TRIM33: variants seen among roughly 807,000 people sequenced by gnomAD.
TRIM33 encodes tripartite motif containing 33.
Under a neutral mutation model 125.4 loss-of-function variants are expected in TRIM33, and 20 were observed. The ratio of observed to expected loss-of-function variants is 0.16; its 90% CI spans 0.11 to 0.23. TRIM33 has a LOEUF of 0.23. TRIM33 is among the 10% of genes least tolerant of loss of function. TRIM33 has a pLI of 1.00. For missense variants in TRIM33, 920 were observed against 1,411.4 expected (o/e 0.65, Z 5.58); for synonymous variants, 564 against 513.9 (o/e 1.10, Z -1.32).
At position 114,421,410 on chromosome 1, in the gene TRIM33, A is replaced by C. The variant is rs1161917385; in HGVS notation, c.2061+26T>G. ...TCTGTAATTAACATTAAGTTTAATG[A>C]AGCCTCATTCAACTCAAATACAAAC... is the stretch of plus-strand genomic sequence containing the variant. On this transcript the variant is annotated intron_variant, in intron 11 of 19. Coordinates refer to ENST00000358465, the MANE Select transcript of TRIM33 (RefSeq NM_015906.4). 5.0e-6 allele frequency: 8 copies of C among 1,591,764 alleles called. No homozygotes were observed. In the Admixed American group the frequency reaches 1.3e-4, roughly 27 times the overall value.
intron 1 of TRIM33, among the ~76,000 whole-genome samples, chr1:114,494,469 G>C (rs1417422000): frequency 1.3e-5 from 2 of 152,108 alleles, no homozygotes; most frequent in Non-Finnish European, 2.9e-5. Context: ...CAACCAGTGG[G>C]AAAGTACTGT....
At chr1:114,475,472 G>A (rs1225371431) in intron 1 of TRIM33, among the ~76,000 whole-genome samples, 1 of 152,202 alleles carries the variant, frequency 6.6e-6, no homozygotes, top group Non-Finnish European at 1.5e-5. Flanking sequence ...ATGAGGTCAG[G>A]AGATCGAGAC....
chr1:114,400,229 T>A, intron 17 of TRIM33, among the ~76,000 whole-genome samples: 1 of 152,110 alleles, frequency 6.6e-6, no homozygotes, highest in East Asian at 1.9e-4. Flanking sequence ...TGAGATGGAG[T>A]CTTGCTCTGT....
intron 4 of TRIM33, among the ~76,000 whole-genome samples, chr1:114,449,239 A>G (rs1649173388): frequency 6.6e-6 from 1 of 152,166 alleles, no homozygotes; most frequent in African/African-American, 2.4e-5. Context: ...AAAAAAAGTC[A>G]CCAGTCACGA....
rs569583963 is a variant in TRIM33, at chr1:114,393,791, T to A, written c.*3857A>T. On this transcript the variant is annotated 3_prime_UTR_variant, in exon 20 of 20. Transcript: ENST00000358465. ...TCAAACACTTACTTTTAAAAAAATA[T>A]GCAACTTTCCCCAATTTTTAAAATA... The A allele has an allele frequency of 4.8e-6, 1 of 207,434 alleles. No individual in the cohort carries two copies. The highest frequency in any genetic ancestry group is 7.4e-5 in the East Asian group (1 of 13,464). The allele number at this position is 207,434 out of a possible 1,614,324, so 12.8% of individuals were successfully genotyped here.
At chr1:114,466,629 G>A (rs1650317825) in intron 1 of TRIM33, among the ~76,000 whole-genome samples, 1 of 152,168 alleles carries the variant, frequency 6.6e-6, no homozygotes, top group African/African-American at 2.4e-5. Context: ...AGACACCAAG[G>A]CTCAGGTGAG....
intron 10 of TRIM33, 130 bp downstream of exon 10, chr1:114,424,461 G>A: frequency 1.4e-6 from 1 of 693,748 alleles, no homozygotes; most frequent in Non-Finnish European, 2.2e-6. Context: ...ATTTTTCTGG[G>A]ACAAGAGGAT....
chr1:114,426,524 A>T (rs11583278), intron 8 of TRIM33, among the ~76,000 whole-genome samples: 20,019 of 127,938 alleles, frequency 0.16, 1,697 homozygotes, highest in Non-Finnish European at 0.21. Context: ...TTTTTTTTTA[A>T]AAAAAAAGGG....
At chr1:114,477,926 A>G (rs60614633) in intron 1 of TRIM33, among the ~76,000 whole-genome samples, 1 of 152,240 alleles carries the variant, frequency 6.6e-6, no homozygotes, top group African/African-American at 2.4e-5. Flanking sequence ...ACTAAAATTT[A>G]AAAGATAAGT....
Position 114,395,344 on chromosome 1 carries a change from CTCTA to C in TRIM33, c.*2300_*2303del, listed in dbSNP as rs772834489. 2.5e-5 allele frequency: 5 copies of C among 202,696 alleles called. No homozygotes were observed. The highest frequency in any genetic ancestry group is 3.0e-5 in the Non-Finnish European group (3 of 98,760). The allele number at this position is 202,696 out of a possible 1,614,324, so 12.6% of individuals were successfully genotyped here. On this transcript the variant is annotated 3_prime_UTR_variant, in exon 20 of 20. Transcript: ENST00000358465. ...TCTTAAAACCAAAAAAACCTAAAAA[CTCTA>C]TCTAACATGTAATTTTAAGGAAACA...
At chr1:114,479,856 G>A (rs944342306) in intron 1 of TRIM33, among the ~76,000 whole-genome samples, 5 of 152,032 alleles carry the variant, frequency 3.3e-5, no homozygotes, top group African/African-American at 4.8e-5. Context: ...CCGTCCGGGA[G>A]GGAGGAAGGG....
intron 1 of TRIM33, among the ~76,000 whole-genome samples, chr1:114,509,883 A>G (rs1406547717): frequency 6.6e-6 from 1 of 152,170 alleles, no homozygotes; most frequent in Non-Finnish European, 1.5e-5. Flanking sequence ...TAGCTAAAAC[A>G]AATTCATGCC....
intron 1 of TRIM33, among the ~76,000 whole-genome samples, chr1:114,479,911 C>T (rs1016736081): frequency 1.5e-5 from 2 of 136,998 alleles, no homozygotes; most frequent in African/African-American, 5.7e-5. Flanking sequence ...GTGGGGGCGC[C>T]TCTGCCCGGC....
At chr1:114,436,178 G>A (rs556069123) in intron 4 of TRIM33, among the ~76,000 whole-genome samples, 1 of 151,690 alleles carries the variant, frequency 6.6e-6, no homozygotes, top group African/African-American at 2.4e-5. Context: ...CGAGGCAGGT[G>A]GATAACGAGG....
chr1:114,431,437 T>C (rs181395462), intron 5 of TRIM33, among the ~76,000 whole-genome samples: 1 of 152,318 alleles, frequency 6.6e-6, no homozygotes, highest in East Asian at 1.9e-4. Context: ...TTGTATACAG[T>C]AAAGGGCATA....
intron 1 of TRIM33, among the ~76,000 whole-genome samples, chr1:114,470,631 T>TG (rs1650580479): frequency 7.4e-6 from 1 of 134,888 alleles, no homozygotes. Context: ...CAGCATGACT[T>TG]GGTCAATAAC....
chr1:114,480,762 C>T (rs951823948), intron 1 of TRIM33, among the ~76,000 whole-genome samples: 5 of 151,864 alleles, frequency 3.3e-5, no homozygotes, highest in African/African-American at 1.2e-4. Context: ...AAAGTAAAAT[C>T]CAACTATATA....
intron 4 of TRIM33, among the ~76,000 whole-genome samples, chr1:114,445,352 C>T (rs759168278): frequency 1.3e-5 from 2 of 152,174 alleles, no homozygotes; most frequent in Non-Finnish European, 2.9e-5. Context: ...ATCCTCCCAC[C>T]TCAGCCTCCC....
At chr1:114,404,724 T>C (rs1290987885) in intron 15 of TRIM33, 1 of 152,126 alleles carries the variant, frequency 6.6e-6, no homozygotes, top group Non-Finnish European at 1.5e-5. Context: ...TCTACTAGTT[T>C]TCTAATCCAA....
Sources: allele counts gnomAD v4.1 joint callset (sites outside exome capture counted in the v4.1 genomes callset), GRCh38; gene constraint gnomAD v4.1.1; transcripts MANE v1.5; gene names NCBI Gene and HGNC (gene_info 2026-07-23, HGNC 2026-07-21).